LOXL4: variants seen among roughly 807,000 people sequenced by gnomAD.
LOXL4 encodes lysyl oxidase homolog 4.
In LOXL4, 72 loss-of-function variants were observed where a neutral mutation model predicts 89.1. That is an observed-to-expected ratio of 0.81 (90% CI 0.67 to 0.98). LOXL4 has a LOEUF of 0.98. Among genes scored for constraint, LOXL4 ranks in the 50% least tolerant of loss-of-function variants. The probability of loss-of-function intolerance (pLI) is 0.00; values close to 1 mark genes in which losing one functional copy is unlikely to be tolerated. For missense variants in LOXL4, 984 were observed against 1,017.5 expected, an observed-to-expected ratio of 0.97 and a Z score of 0.45; for synonymous variants, 355 against 392.1, an observed-to-expected ratio of 0.91 and a Z score of 1.12.
At chr10:98,267,621 T>C (rs1305919711) in intron 1 of LOXL4, among the ~76,000 whole-genome samples, 1 of 152,124 alleles carries the variant, frequency 6.6e-6, no homozygotes, top group Non-Finnish European at 1.5e-5. Context: ...AAATGGTCTC[T>C]GAGCTGTACC....
intron 11 of LOXL4, among the ~76,000 whole-genome samples, chr10:98,253,288 GAAC>G (rs1340979760): frequency 2.0e-5 from 3 of 152,254 alleles, no homozygotes; most frequent in Non-Finnish European, 4.4e-5. Flanking sequence ...CATTCTAACA[GAAC>G]AACTCTGCTG....
chr10:98,265,084 G>C (rs1386706770), intron 1 of LOXL4, among the ~76,000 whole-genome samples: 3 of 152,206 alleles, frequency 2.0e-5, no homozygotes, highest in Non-Finnish European at 4.4e-5. Flanking sequence ...TCCCAAAATA[G>C]TGTCAGGTGT....
chr10:98,256,061 T>G, intron 9 of LOXL4: 1 of 256,782 alleles, frequency 3.9e-6, no homozygotes. Context: ...TGCTCACATT[T>G]CCCCAGCTGC....
intron 11 of LOXL4, among the ~76,000 whole-genome samples, chr10:98,252,872 A>G (rs1858242737): frequency 6.6e-6 from 1 of 152,232 alleles, no homozygotes; most frequent in African/African-American, 2.4e-5. Flanking sequence ...TTTCCAATCC[A>G]GTTATAATGA....
intron 1 of LOXL4, among the ~76,000 whole-genome samples, chr10:98,266,752 CTCTA>C (rs1214217888): frequency 2.0e-5 from 3 of 152,134 alleles, no homozygotes; most frequent in Non-Finnish European, 4.4e-5. Flanking sequence ...GTTCCTTTCC[CTCTA>C]TCTAAGACTG....
chr10:98,259,738 C>T (rs1286645821), intron 4 of LOXL4, among the ~76,000 whole-genome samples: 2 of 152,170 alleles, frequency 1.3e-5, no homozygotes, highest in East Asian at 3.9e-4. Context: ...AGAAGGGGCC[C>T]TCTGGGGACA....
chr10:98,256,538 T>C (rs988106494), intron 9 of LOXL4: 8 of 554,300 alleles, frequency 1.4e-5, no homozygotes, highest in Non-Finnish European at 2.5e-5. Context: ...CTCCACCTTG[T>C]CTGACTAATT....
At chr10:98,267,877 A>T (rs1858718206) in intron 1 of LOXL4, among the ~76,000 whole-genome samples, 1 of 152,172 alleles carries the variant, frequency 6.6e-6, no homozygotes, top group Non-Finnish European at 1.5e-5. Context: ...CAAGACACGC[A>T]GGCACCCCTG....
intron 14 of LOXL4, among the ~76,000 whole-genome samples, chr10:98,249,516 A>G (rs1031728370): frequency 3.3e-5 from 5 of 152,234 alleles, no homozygotes; most frequent in Non-Finnish European, 7.3e-5. Context: ...CCCCTCTTCA[A>G]GCCTAAAGCA....
chr10:98,255,867 G>A, intron 9 of LOXL4, 128 bp from the exon 10 acceptor site: 1 of 1,140,874 alleles, frequency 8.8e-7, no homozygotes, highest in African/African-American at 1.6e-5. Context: ...AAAATCTTCA[G>A]TGATGAGAAC....
In LOXL4 at chr10:98,256,928, C is replaced by T. The variant is rs150077126; in HGVS notation, c.1280G>A (p.Arg427His). 32 of 1,614,046 alleles carry T rather than the reference C, an allele frequency of 2.0e-5. 1 individual carries two copies. The highest frequency in any genetic ancestry group is 1.9e-4 in the South Asian group (17 of 91,064). Reference sequence around the variant, plus strand: ...CTCCAATAGCCCCTCCTCAGGGATACGCCCACCAGCCAAGCGCACCTGCAA... The same window carrying T: ...CTCCAATAGCCCCTCCTCAGGGATATGCCCACCAGCCAAGCGCACCTGCAA... Reference protein sequence around the residue: ...FQNQVRLAGGRIPEEGLLEVQ... With the variant: ...FQNQVRLAGGHIPEEGLLEVQ... The change falls in exon 9 of 15, where the codon CGT becomes CAT. Residue 427 changes from arginine (R) to histidine (H), a missense_variant. Transcript: ENST00000260702.
intron 4 of LOXL4, 89 bp downstream of exon 4, chr10:98,260,833 C>G (rs1351283233): frequency 7.4e-7 from 1 of 1,357,232 alleles, no homozygotes; most frequent in African/African-American, 1.4e-5. Flanking sequence ...ATGCACACAC[C>G]CTACATCACA....
chr10:98,262,602 G>T, intron 2 of LOXL4, 141 bp downstream of exon 2: 1 of 1,049,034 alleles, frequency 9.5e-7, no homozygotes, highest in Non-Finnish European at 1.4e-6. Context: ...GGGGCCATGT[G>T]CAGCTGAGGC....
chr10:98,258,258 G>A, intron 6 of LOXL4, 94 bp from the exon 7 acceptor site: 4 of 1,313,188 alleles, frequency 3.0e-6, no homozygotes, highest in Non-Finnish European at 4.1e-6. Context: ...GCTCCTTCAA[G>A]TTCCATGGCG....
chr10:98,252,217 T>G (rs1316348170), intron 12 of LOXL4, 136 bp downstream of exon 12: 2 of 677,278 alleles, frequency 3.0e-6, no homozygotes, highest in Non-Finnish European at 5.2e-6. Flanking sequence ...GAAATTGCCT[T>G]GAATGCTAAC....
chr10:98,257,378 G>A (rs896509618), intron 8 of LOXL4, among the ~76,000 whole-genome samples: 9 of 152,198 alleles, frequency 5.9e-5, no homozygotes, highest in Non-Finnish European at 1.0e-4. Context: ...CGACAGCCCT[G>A]TGGCCCTCTT....
Position 98,261,259 on chromosome 10 carries a change from AG to A in LOXL4, c.457-133del. 4 of 913,820 alleles carry A rather than the reference AG, an allele frequency of 4.4e-6. No homozygotes were observed. In the South Asian group the frequency reaches 6.5e-5, roughly 15 times the overall value. The allele number at this position is 913,820 out of a possible 1,614,324, so 56.6% of individuals were successfully genotyped here. A position where few individuals can be genotyped will look rare whatever the true frequency, so the allele number is the denominator to read the frequency against. On this transcript the variant is annotated intron_variant, in intron 3 of 14. Coordinates refer to ENST00000260702, the MANE Select transcript of LOXL4 (RefSeq NM_032211.7). ...ATCCCACCCAGCCCGGTCATTGAACAGGCCAGGAAACTGAGGCCCAGAGAAG... is the reference window on the plus strand; with the variant it reads ...ATCCCACCCAGCCCGGTCATTGAACAGCCAGGAAACTGAGGCCCAGAGAAG...
At chr10:98,257,923 A>G in intron 7 of LOXL4, 58 bp downstream of exon 7, 1 of 1,593,216 alleles carries the variant, frequency 6.3e-7, no homozygotes, top group Non-Finnish European at 8.6e-7. Flanking sequence ...AGGGCCTTCA[A>G]GACATGGACC....
chr10:98,249,012 G>A (rs1280728826), intron 14 of LOXL4, 21 bp from the exon 15 acceptor site: 9 of 1,604,156 alleles, frequency 5.6e-6, no homozygotes, highest in Non-Finnish European at 7.7e-6. Context: ...AAGGAAAACA[G>A]GTAAGTAGCC....
Sources: allele counts gnomAD v4.1 joint callset (sites outside exome capture counted in the v4.1 genomes callset), GRCh38; gene constraint gnomAD v4.1.1; transcripts MANE v1.5; gene names NCBI Gene and HGNC (gene_info 2026-07-23, HGNC 2026-07-21).